TMEM255B: variants seen among roughly 807,000 people sequenced by gnomAD.
The protein encoded by TMEM255B is family with sequence similarity 70, member B.
TMEM255B carries 35 observed loss-of-function variants against 34.5 expected under a neutral mutation model. The observed-to-expected ratio is 1.01, with a 90% CI of 0.77 to 1.34. The LOEUF is 1.34. Among genes scored for constraint, TMEM255B ranks in the 40% most tolerant of loss-of-function variants. TMEM255B has a pLI of 0.00. For synonymous variants in TMEM255B, 206 were observed against 201.2 expected (o/e 1.02, Z -0.20); for missense variants, 432 against 433.2 (o/e 1.00, Z 0.02).
chr13:113,767,152 A>G (rs939459690), intron 2 of TMEM255B, among the ~76,000 whole-genome samples: 6 of 152,256 alleles, frequency 3.9e-5, no homozygotes, highest in Non-Finnish European at 7.3e-5. Flanking sequence ...ATTGATGACA[A>G]TCAGCAAAGA....
chr13:113,775,844 G>C (rs2050567802), intron 3 of TMEM255B, among the ~76,000 whole-genome samples: 1 of 152,218 alleles, frequency 6.6e-6, no homozygotes, highest in African/African-American at 2.4e-5. Flanking sequence ...CAGGCACTGG[G>C]GGGTGTTTCT....
At chr13:113,766,352 T>C (rs1350207748) in intron 2 of TMEM255B, 95 bp downstream of exon 2, 3 of 1,559,564 alleles carry the variant, frequency 1.9e-6, no homozygotes. Flanking sequence ...GGGCTGGGGC[T>C]GAAGGTGGGG....
At chr13:113,802,363 C>G (rs755749789) in intron 7 of TMEM255B, among the ~76,000 whole-genome samples, 3 of 152,234 alleles carry the variant, frequency 2.0e-5, no homozygotes, top group Non-Finnish European at 4.4e-5. Context: ...CTCCTCTGCC[C>G]TCTCCTGGCG....
rs1332163201 is a variant in TMEM255B, at chr13:113,812,026, C to T, written c.*123C>T. On this transcript the variant is annotated 3_prime_UTR_variant, in exon 9 of 9. Transcript: ENST00000375353. ...CGGGAGAATGTTCCAGAAGTCTGTCCCCTCCTTTCCTCCCTGGGCACACTG... is the reference window on the plus strand; with the variant it reads ...CGGGAGAATGTTCCAGAAGTCTGTCTCCTCCTTTCCTCCCTGGGCACACTG... 3 of 1,273,830 alleles carry T rather than the reference C, an allele frequency of 2.4e-6. No homozygotes were observed. Among genetic ancestry groups the T allele is most frequent in the Admixed American group, 4.8e-5 (2 of 41,956 alleles). The allele number at this position is 1,273,830 out of a possible 1,614,324, so 78.9% of individuals were successfully genotyped here.
At chr13:113,776,948 T>G (rs1246284549) in intron 3 of TMEM255B, among the ~76,000 whole-genome samples, 1 of 152,126 alleles carries the variant, frequency 6.6e-6, no homozygotes, top group Non-Finnish European at 1.5e-5. Context: ...AGGTAGAGCT[T>G]CGCCTAGGGT....
chr13:113,792,553 G>A (rs142628494), intron 3 of TMEM255B, among the ~76,000 whole-genome samples: 79 of 152,348 alleles, frequency 5.2e-4, no homozygotes, highest in African/African-American at 1.5e-3. Context: ...CCTTCCTTGT[G>A]TGTGCACCCA....
rs561616199 is a variant in TMEM255B at position 113,796,746 on chromosome 13, C to T, written c.342+1509C>T. The stretch of plus-strand genomic sequence containing the variant: ...GCGTCAGCTGGTCCCCGGGAGCAGC[C>T]GAATTGCTTGTCATGAACTCTCAGA... On this transcript the variant is annotated intron_variant, in intron 4 of 8. Coordinates refer to ENST00000375353, the MANE Select transcript of TMEM255B (RefSeq NM_182614.4). Among the ~76,000 whole-genome samples the T allele has an allele frequency of 5.3e-4, 80 of 152,342 alleles. 1 individual carries two copies. The highest frequency in any genetic ancestry group is 1.9e-3 in the African/African-American group (80 of 41,566).
intron 3 of TMEM255B, among the ~76,000 whole-genome samples, chr13:113,792,215 G>A (rs2050844733): frequency 6.6e-6 from 1 of 152,278 alleles, no homozygotes; most frequent in South Asian, 2.1e-4. Flanking sequence ...GGAAATTTCA[G>A]TTAGGTGTAA....
rs761773221 is a variant in TMEM255B, at chr13:113,801,789, G to A, written c.646G>A (p.Val216Ile). 2.4e-5 allele frequency: 38 copies of A among 1,610,744 alleles called. No individual in the cohort carries two copies. The highest frequency in any genetic ancestry group is 1.5e-4 in the African/African-American group (11 of 74,872). The change falls in exon 7 of 9, where the codon GTC becomes ATC. Residue 216 changes from valine to isoleucine, a missense_variant. By Grantham distance (29) the Val-to-Ile change is conservative. Transcript: ENST00000375353. ...GLFLGIITAA[V>I]LGAFKDMVPL... is the part of the protein sequence containing the mutation. ...GTTCCTGGGCATCATCACCGCCGCC[G>A]TCCTGGGGGCCTTCAAGGACATGGT... is the stretch of plus-strand genomic sequence containing the variant.
intron 6 of TMEM255B, among the ~76,000 whole-genome samples, chr13:113,801,346 G>A (rs1012382613): frequency 1.1e-4 from 16 of 152,342 alleles, no homozygotes; most frequent in East Asian, 1.9e-4. Flanking sequence ...CCATCCTGGC[G>A]TGAAGACAGA....
chr13:113,795,254 T>C lies in TMEM255B; in HGVS notation c.342+17T>C, dbSNP rs374989813. 1.7e-5 allele frequency: 27 copies of C among 1,610,174 alleles called. No individual in the cohort carries two copies. The highest frequency in any genetic ancestry group is 2.0e-5 in the Non-Finnish European group (24 of 1,177,288). On this transcript the variant is annotated intron_variant, in intron 4 of 8. Coordinates refer to ENST00000375353, the MANE Select transcript of TMEM255B (RefSeq NM_182614.4). ...CAGCACATTGTGAGTACATTGTCAT[T>C]GTGTGCACAGTCGCTTTCCGGGGCT... is the stretch of plus-strand genomic sequence containing the variant.
At chr13:113,804,563 CGCCGGGCCGGGG>C in intron 7 of TMEM255B, among the ~76,000 whole-genome samples, 1 of 151,928 alleles carries the variant, frequency 6.6e-6, no homozygotes, top group Non-Finnish European at 1.5e-5. Flanking sequence ...TGTAAAGCTA[CGCCGGGCCGGGG>C]TTAGCTCCAG....
In TMEM255B at chr13:113,815,915, A is replaced by G. The variant is rs2051395813; in HGVS notation, c.*4012A>G. 6.5e-6 allele frequency: 1 copy of G among 154,594 alleles called. No individual in the cohort carries two copies. Among genetic ancestry groups the G allele is most frequent in the African/African-American group, 2.4e-5 (1 of 41,430 alleles). 9.6% of individuals were successfully genotyped at this position (154,594 alleles called of 1,614,324 possible). A position where few individuals can be genotyped will look rare whatever the true frequency, so the allele number is the denominator to read the frequency against. On this transcript the variant is annotated 3_prime_UTR_variant, in exon 9 of 9. Coordinates refer to ENST00000375353, the MANE Select transcript of TMEM255B (RefSeq NM_182614.4). ...CAGTGCTCAGGGAAGGACACCAGAC[A>G]TGAAGACTGTGTTCTGTTTATATGC...
intron 8 of TMEM255B, among the ~76,000 whole-genome samples, chr13:113,808,793 G>GGGT (rs1555302331): frequency 1.2e-4 from 2 of 16,078 alleles, no homozygotes; most frequent in African/African-American, 3.1e-4. Context: ...TGTGGTTCCT[G>GGGT]GGGGGGGGGT....
At chr13:113,808,968 G>T (rs1426859660) in intron 8 of TMEM255B, among the ~76,000 whole-genome samples, 1 of 137,108 alleles carries the variant, frequency 7.3e-6, no homozygotes, top group Non-Finnish European at 1.5e-5. Context: ...TACCTCTGTG[G>T]TTCCTGGGGA....
intron 8 of TMEM255B, among the ~76,000 whole-genome samples, chr13:113,809,129 C>T (rs2051250042): frequency 1.2e-5 from 1 of 82,798 alleles, no homozygotes; most frequent in African/African-American, 4.9e-5. Context: ...TCTGTGGTTC[C>T]TGGGGGGAGG....
Position 113,815,313 on chromosome 13 carries a change from GGTCC to G in TMEM255B, c.*3415_*3418del, listed in dbSNP as rs2051389967. ...GGAGAGAGGAAGGGACATGGGTGACGGTCCGTCCACGTGGGGTCACCGGCCACGG... is the reference window on the plus strand; with the variant it reads ...GGAGAGAGGAAGGGACATGGGTGACGGTCCACGTGGGGTCACCGGCCACGG... On this transcript the variant is annotated 3_prime_UTR_variant, in exon 9 of 9. Transcript: ENST00000375353. 1 of 146,522 alleles carries G rather than the reference GGTCC, an allele frequency of 6.8e-6. No individual in the cohort carries two copies. Among genetic ancestry groups the G allele is most frequent in the Non-Finnish European group, 1.5e-5 (1 of 66,844 alleles). 9.1% of individuals were successfully genotyped at this position (146,522 alleles called of 1,614,324 possible).
intron 3 of TMEM255B, 110 bp from the exon 4 acceptor site, chr13:113,795,038 G>C: frequency 1.1e-6 from 1 of 931,078 alleles, no homozygotes; most frequent in Non-Finnish European, 1.7e-6. Context: ...GGTGAGAAGA[G>C]GCAGTTCTGT....
intron 7 of TMEM255B, chr13:113,803,313 C>A (rs1312601102): frequency 6.7e-6 from 1 of 148,374 alleles, no homozygotes; most frequent in Non-Finnish European, 1.5e-5. Context: ...AACCTTCACA[C>A]CCACCAAGCA....
Sources: allele counts gnomAD v4.1 joint callset (sites outside exome capture counted in the v4.1 genomes callset), GRCh38; gene constraint gnomAD v4.1.1; transcripts MANE v1.5; gene names NCBI Gene and HGNC (gene_info 2026-07-23, HGNC 2026-07-21).